Variants in DENND4C observed in about 807,000 individuals in gnomAD.
The protein encoded by DENND4C is DENN domain containing 4C, also known as DENN domain-containing protein 4C.
DENND4C carries 108 observed loss-of-function variants against 203.0 expected under a neutral mutation model. The observed-to-expected ratio is 0.53, with a 90% CI of 0.46 to 0.62. The LOEUF is 0.62. DENND4C is among the 20% of genes least tolerant of loss of function. DENND4C has a pLI of 0.00. For synonymous variants in DENND4C, 871 were observed against 792.4 expected (o/e 1.10, Z -1.67); for missense variants, 2,481 against 2,301.2 (o/e 1.08, Z -1.60).
chr9:19,233,140 G>C (rs1195847890), intron 1 of DENND4C, among the ~76,000 whole-genome samples: 1 of 152,108 alleles, frequency 6.6e-6, no homozygotes, highest in South Asian at 2.1e-4. Context: ...TCAGTGGCAG[G>C]TTGTTTCATT....
Position 19,300,389 on chromosome 9 carries a change from G to A in DENND4C, c.1311+58G>A. The A allele has an allele frequency of 9.5e-6, 13 of 1,373,116 alleles. No individual in the cohort carries two copies. In the East Asian group the frequency reaches 1.0e-4, roughly 11 times the overall value. 85.1% of individuals were successfully genotyped at this position (1,373,116 alleles called of 1,614,324 possible). A position where few individuals can be genotyped will look rare whatever the true frequency, so the allele number is the denominator to read the frequency against. ...TACTGACATAATTTTTACTCCAAAG[G>A]GAAATTTTCTTCAAAAACAGCAACT... On this transcript the variant is annotated intron_variant, in intron 9 of 32. Coordinates refer to ENST00000434457, the MANE Select transcript of DENND4C (RefSeq NM_001330640.2).
chr9:19,337,747 T>A, intron 20 of DENND4C: 1 of 940,480 alleles, frequency 1.1e-6, no homozygotes, highest in Non-Finnish European at 1.5e-6. Flanking sequence ...GTATTTTAAG[T>A]TTGTTTTGAG....
At chr9:19,252,748 T>C (rs931885898) in intron 1 of DENND4C, among the ~76,000 whole-genome samples, 1 of 152,096 alleles carries the variant, frequency 6.6e-6, no homozygotes, top group Non-Finnish European at 1.5e-5. Context: ...CACATACTTT[T>C]TTTTTTTGGC....
intron 30 of DENND4C, among the ~76,000 whole-genome samples, chr9:19,368,257 A>ATTTTTTT (rs145197314): frequency 9.0e-6 from 1 of 110,796 alleles, no homozygotes; most frequent in African/African-American, 3.6e-5. Context: ...GGACTTTGCT[A>ATTTTTTT]TTTTTTTTTT....
intron 1 of DENND4C, among the ~76,000 whole-genome samples, chr9:19,245,399 G>A (rs896930951): frequency 4.1e-4 from 62 of 151,648 alleles, no homozygotes; most frequent in African/African-American, 1.4e-3. Context: ...CCCGGGAGGC[G>A]GAGCTTGCAG....
At chr9:19,366,595 C>G (rs1045129426) in intron 30 of DENND4C, among the ~76,000 whole-genome samples, 3 of 119,682 alleles carry the variant, frequency 2.5e-5, no homozygotes, top group African/African-American at 1.1e-4. Context: ...CAGAGTGACT[C>G]TGTCTCAAAA....
chr9:19,271,373 G>T lies in DENND4C; in HGVS notation c.-17-4785G>T, dbSNP rs116113342. 3.3e-5 allele frequency among the ~76,000 whole-genome samples: 5 copies of T among 151,866 alleles called. No individual in the cohort carries two copies. The South Asian group carries it at 6.3e-4, about 19-fold the overall frequency. On this transcript the variant is annotated intron_variant, in intron 1 of 32. Transcript: ENST00000434457. Reference sequence around the variant, plus strand: ...TTCCACCATGCCCCACTAATGTTTTGTATTTTTAGTAAAGACTGGGTTTGT... The same window carrying T: ...TTCCACCATGCCCCACTAATGTTTTTTATTTTTAGTAAAGACTGGGTTTGT...
Position 19,340,234 on chromosome 9 carries a change from A to G in DENND4C, c.2882-758A>G, listed in dbSNP as rs552353057. ...TAGAAAATACGTGTACTGTACATAA[A>G]AAATAATTTCAGAATTGTCACACCC... is the stretch of plus-strand genomic sequence containing the variant. On this transcript the variant is annotated intron_variant, in intron 20 of 32. Transcript: ENST00000434457. 1.2e-4 allele frequency among the ~76,000 whole-genome samples: 18 copies of G among 152,316 alleles called. No individual in the cohort carries two copies. In the South Asian group the frequency reaches 3.7e-3, roughly 32 times the overall value.
intron 2 of DENND4C, among the ~76,000 whole-genome samples, chr9:19,284,736 A>G (rs1834850852): frequency 1.3e-5 from 2 of 152,144 alleles, no homozygotes; most frequent in South Asian, 2.1e-4. Context: ...TGCTTATACT[A>G]TAAACAGATT....
rs1823901950 is a variant in DENND4C at position 19,350,692 on chromosome 9, T to C, written c.4318-10T>C. ...TTTATGTATGTGGAATTTTTTTTTT[T>C]CAATTAAAGGAAGAAACTAATAGAG... On this transcript the variant is annotated splice_polypyrimidine_tract_variant and intron_variant, in intron 23 of 32. Transcript: ENST00000434457. 3.8e-6 allele frequency: 6 copies of C among 1,595,644 alleles called. No homozygotes were observed. The South Asian group carries it at 4.6e-5, about 12-fold the overall frequency.
intron 1 of DENND4C, among the ~76,000 whole-genome samples, chr9:19,267,888 C>G (rs1472044328): frequency 6.6e-6 from 1 of 152,034 alleles, no homozygotes; most frequent in African/African-American, 2.4e-5. Flanking sequence ...TAAATCCGTT[C>G]AGCCTCTGTA....
intron 9 of DENND4C, among the ~76,000 whole-genome samples, chr9:19,302,791 C>T (rs1325216586): frequency 6.6e-6 from 1 of 152,194 alleles, no homozygotes; most frequent in Non-Finnish European, 1.5e-5. Context: ...ATTAGGCATT[C>T]CCCATACCTT....
At chr9:19,233,900 G>A (rs1564069634) in intron 1 of DENND4C, among the ~76,000 whole-genome samples, 1 of 151,670 alleles carries the variant, frequency 6.6e-6, no homozygotes, top group African/African-American at 2.4e-5. Context: ...ACTTTTTATT[G>A]GAAAAAATGT....
intron 2 of DENND4C, among the ~76,000 whole-genome samples, chr9:19,282,490 G>A (rs1205721832): frequency 2.0e-5 from 3 of 149,734 alleles, no homozygotes; most frequent in Non-Finnish European, 4.4e-5. Context: ...CTGAGCTCAA[G>A]TGATCTGCTT....
At chr9:19,273,757 AG>A (rs1356059729) in intron 1 of DENND4C, among the ~76,000 whole-genome samples, 4 of 152,042 alleles carry the variant, frequency 2.6e-5, no homozygotes, top group Admixed American at 2.6e-4. Flanking sequence ...TAAATTAAAA[AG>A]ACTGATCTTA....
chr9:19,344,752 C>T (rs1452728436), intron 22 of DENND4C, among the ~76,000 whole-genome samples: 1 of 152,132 alleles, frequency 6.6e-6, no homozygotes, highest in Non-Finnish European at 1.5e-5. Flanking sequence ...ATCCGCCTGC[C>T]TCAGCCTCCC....
At chr9:19,241,390 T>C (rs1202655514) in intron 1 of DENND4C, among the ~76,000 whole-genome samples, 1 of 152,142 alleles carries the variant, frequency 6.6e-6, no homozygotes, top group African/African-American at 2.4e-5. Flanking sequence ...AATGAATTTT[T>C]TTTTTAGAGA....
rs1820563513 is a variant in DENND4C, at chr9:19,336,728, G to C, written c.2777G>C (p.Ser926Thr). Residue 926 changes from serine (S) to threonine (T), a missense_variant, in exon 20 of 33, where the codon AGC (serine) becomes ACC (threonine). Physicochemically the swap from Ser to Thr is moderately conservative, Grantham distance 58. Coordinates refer to ENST00000434457, the MANE Select transcript of DENND4C (RefSeq NM_001330640.2). ...VTGGSDGDTV[S>T]HGSVDSSNDA... Reference sequence around the variant, plus strand: ...GGTGGAAGTGATGGGGACACGGTGAGCCACGGTAGTGTGGATAGTTCTAAT... The same window carrying C: ...GGTGGAAGTGATGGGGACACGGTGACCCACGGTAGTGTGGATAGTTCTAAT... 6.4e-7 allele frequency: 1 copy of C among 1,551,084 alleles called. No individual in the cohort carries two copies. The highest frequency in any genetic ancestry group is 8.7e-7 in the Non-Finnish European group (1 of 1,147,106).
At chr9:19,251,031 G>A (rs1313082010) in intron 1 of DENND4C, among the ~76,000 whole-genome samples, 4 of 152,202 alleles carry the variant, frequency 2.6e-5, no homozygotes, top group Admixed American at 6.5e-5. Flanking sequence ...GCACCCCAGT[G>A]GGGACCCTTT....
Sources: gnomAD v4.1 joint callset for allele counts (sites outside exome capture counted in the v4.1 genomes callset) on GRCh38, gnomAD v4.1.1 for gene constraint, MANE v1.5 for transcripts, NCBI Gene and HGNC (gene_info 2026-07-23, HGNC 2026-07-21) for gene names.